CLASP1: variants seen among roughly 807,000 people sequenced by gnomAD.
CLASP1 encodes cytoplasmic linker associated protein 1.
Under a neutral mutation model 192.3 loss-of-function variants are expected in CLASP1, and 38 were observed. The ratio of observed to expected loss-of-function variants is 0.20; its 90% CI spans 0.15 to 0.26. The LOEUF is 0.26. CLASP1 is among the 10% of genes least tolerant of loss of function. The pLI, the probability that CLASP1 is intolerant of heterozygous loss-of-function variation, is 1.00. For missense variants in CLASP1, 1,433 were observed against 1,932.5 expected (o/e 0.74, Z 4.85); for synonymous variants, 691 against 712.8 (o/e 0.97, Z 0.49).
intron 8 of CLASP1, among the ~76,000 whole-genome samples, chr2:121,476,521 C>T (rs1441019463): frequency 6.6e-6 from 1 of 152,184 alleles, no homozygotes; most frequent in African/African-American, 2.4e-5. Context: ...TTTAAACACT[C>T]ATCTATAACG....
chr2:121,590,321 A>C (rs1190356447), intron 2 of CLASP1, among the ~76,000 whole-genome samples: 2 of 152,252 alleles, frequency 1.3e-5, no homozygotes, highest in Non-Finnish European at 2.9e-5. Flanking sequence ...GGGATGATCA[A>C]GTGCAGTGAT....
rs548588038 is a variant in CLASP1, at chr2:121,586,071, AAC to A, written c.195+19628_195+19629del. Among the ~76,000 whole-genome samples the A allele has an allele frequency of 4.2e-3, 641 of 152,330 alleles. 6 individuals are homozygous for A. The highest frequency in any genetic ancestry group is 5.9e-3 in the Non-Finnish European group (402 of 68,034). Reference sequence around the variant, plus strand: ...TAACAGACATGGGCAGAAAGAAACAAACACATACATAATACAAACATAGCTGA... The same window carrying A: ...TAACAGACATGGGCAGAAAGAAACAAACATACATAATACAAACATAGCTGA... On this transcript the variant is annotated intron_variant, in intron 2 of 39. Transcript: ENST00000263710.
chr2:121,349,295 A>G (rs1209400327), intron 37 of CLASP1, among the ~76,000 whole-genome samples: 3 of 151,992 alleles, frequency 2.0e-5, no homozygotes, highest in African/African-American at 7.2e-5. Context: ...GCAGCCCCCT[A>G]TCAGCCCCAG....
chr2:121,619,701 CAT>C (rs2106089483), intron 1 of CLASP1, among the ~76,000 whole-genome samples: 1 of 152,256 alleles, frequency 6.6e-6, no homozygotes, highest in African/African-American at 2.4e-5. Context: ...ATATTTTAAA[CAT>C]ATTTTTCCCT....
At chr2:121,363,100 C>T (rs2066726230) in intron 37 of CLASP1, 72 bp downstream of exon 38, 3 of 1,582,700 alleles carry the variant, frequency 1.9e-6, no homozygotes, top group East Asian at 4.5e-5. Context: ...GATTCTGATT[C>T]CTCTATCTCC....
intron 8 of CLASP1, among the ~76,000 whole-genome samples, chr2:121,496,101 C>T (rs138818277): frequency 1.3e-5 from 2 of 152,374 alleles, no homozygotes; most frequent in African/African-American, 4.8e-5. Context: ...CACACTTCCC[C>T]ACACAGGGGC....
chr2:121,463,598 T>C (rs1338424038), intron 9 of CLASP1, among the ~76,000 whole-genome samples: 7 of 152,170 alleles, frequency 4.6e-5, no homozygotes, highest in Admixed American at 2.0e-4. Context: ...CCCTACACCA[T>C]GTACCCACAT....
intron 7 of CLASP1, among the ~76,000 whole-genome samples, chr2:121,511,724 A>G (rs897809026): frequency 6.6e-6 from 1 of 152,218 alleles, no homozygotes; most frequent in African/African-American, 2.4e-5. Flanking sequence ...TAACAAAAGG[A>G]TCAATAAAAA....
chr2:121,602,037 T>C (rs1430246206), intron 2 of CLASP1, among the ~76,000 whole-genome samples: 1 of 151,972 alleles, frequency 6.6e-6, no homozygotes, highest in East Asian at 1.9e-4. Flanking sequence ...CAGCCGGGTA[T>C]GGTGGTGCAC....
chr2:121,488,312 G>A (rs1185260000), intron 8 of CLASP1, among the ~76,000 whole-genome samples: 1 of 152,198 alleles, frequency 6.6e-6, no homozygotes. Flanking sequence ...CACAGTGGAT[G>A]TGTCCCTGTA....
In CLASP1 at chr2:121,448,343, T is replaced by C. The variant is rs189322246; in HGVS notation, c.1692-18A>G. ...GCGGACGACTAAAAGTAAAGATGTA[T>C]ATTATTTATTACATGTACTGTACCT... On this transcript the variant is annotated intron_variant, in intron 17 of 39. Transcript: ENST00000263710. 40 of 1,564,260 alleles carry C rather than the reference T, an allele frequency of 2.6e-5. No individual in the cohort carries two copies. In the Admixed American group the frequency reaches 4.0e-4, roughly 16 times the overall value.
In CLASP1 at chr2:121,569,086, C is replaced by T. The variant is rs530429178; in HGVS notation, c.195+36615G>A. Among the ~76,000 whole-genome samples the T allele has an allele frequency of 7.9e-5, 12 of 152,230 alleles. No homozygotes were observed. In the East Asian group the frequency reaches 2.3e-3, roughly 29 times the overall value. ...TATTGAGTGGCCACCATGTCCCAAG[C>T]ACTGTTTTAGGCAATAGAGACGCTA... is the stretch of plus-strand genomic sequence containing the variant. On this transcript the variant is annotated intron_variant, in intron 2 of 39. Coordinates refer to ENST00000263710, the Ensembl canonical transcript of CLASP1.
intron 2 of CLASP1, among the ~76,000 whole-genome samples, chr2:121,557,685 A>G (rs1163816922): frequency 6.6e-6 from 1 of 151,962 alleles, no homozygotes; most frequent in Non-Finnish European, 1.5e-5. Flanking sequence ...AGAACCCTGG[A>G]GATGGAGGTT....
At chr2:121,636,692 T>C (rs550171295) in intron 1 of CLASP1, among the ~76,000 whole-genome samples, 124 of 152,098 alleles carry the variant, frequency 8.2e-4, no homozygotes, top group Non-Finnish European at 1.4e-3. Flanking sequence ...TAATAATAAA[T>C]TTTTTAAAAA....
At chr2:121,479,537 T>C (rs2092413313) in intron 8 of CLASP1, among the ~76,000 whole-genome samples, 1 of 152,208 alleles carries the variant, frequency 6.6e-6, no homozygotes, top group Admixed American at 6.5e-5. Flanking sequence ...TTGCTCATTA[T>C]CCAAACTATA....
chr2:121,437,366 T>C (rs1224033160), intron 19 of CLASP1, among the ~76,000 whole-genome samples: 1 of 152,228 alleles, frequency 6.6e-6, no homozygotes, highest in Non-Finnish European at 1.5e-5. Context: ...ACTCCCTTTC[T>C]ACAATTTCAC....
intron 8 of CLASP1, among the ~76,000 whole-genome samples, chr2:121,501,634 T>C (rs1026162135): frequency 1.3e-5 from 2 of 152,234 alleles, no homozygotes; most frequent in African/African-American, 2.4e-5. Context: ...AATGAAAGCA[T>C]TTTTAGATCA....
At chr2:121,590,306 G>A (rs2062234499) in intron 2 of CLASP1, among the ~76,000 whole-genome samples, 1 of 152,236 alleles carries the variant, frequency 6.6e-6, no homozygotes, top group Admixed American at 6.5e-5. Context: ...AAACACGTAT[G>A]TACAGGGATG....
chr2:121,410,342 C>A (rs1031510396), intron 24 of CLASP1, among the ~76,000 whole-genome samples: 1 of 152,100 alleles, frequency 6.6e-6, no homozygotes, highest in African/African-American at 2.4e-5. Context: ...GATGCAAAAA[C>A]ATATTCCACC....
Sources: allele counts gnomAD v4.1 joint callset (sites outside exome capture counted in the v4.1 genomes callset), GRCh38; gene constraint gnomAD v4.1.1; transcripts MANE v1.5; gene names NCBI Gene and HGNC (gene_info 2026-07-23, HGNC 2026-07-21).